ZNF738: variants seen among roughly 807,000 people sequenced by gnomAD.
The protein encoded by ZNF738 is zinc finger protein 738.
Under a neutral mutation model 9.2 loss-of-function variants are expected in ZNF738, and 10 were observed. The ratio of observed to expected loss-of-function variants is 1.09; its 90% CI spans 0.67 to 1.85. ZNF738 has a LOEUF of 1.85. Ranked by LOEUF, ZNF738 falls within the 40% of genes most tolerant of loss-of-function variation. The pLI is 0.00. For synonymous variants in ZNF738, 113 were observed against 94.5 expected (o/e 1.20, Z -1.14); for missense variants, 346 against 283.6 (o/e 1.22, Z -1.58).
At position 21,386,210 on chromosome 19, in the gene ZNF738, C is replaced by G; in HGVS notation, c.*2536C>G. On this transcript the variant is annotated 3_prime_UTR_variant, in exon 5 of 5. Transcript: ENST00000683779. Reference sequence around the variant, plus strand: ...GGAATGTGGCAAAGCCTTTAATGGTCCCCTCAACTTTCTGCACATAAGATA... The same window carrying G: ...GGAATGTGGCAAAGCCTTTAATGGTGCCCTCAACTTTCTGCACATAAGATA... 1 of 279,696 alleles carries G rather than the reference C, an allele frequency of 3.6e-6. No individual in the cohort carries two copies. Among genetic ancestry groups the G allele is most frequent in the South Asian group, 3.9e-5 (1 of 25,446 alleles). The allele number at this position is 279,696 out of a possible 1,614,324, so 17.3% of individuals were successfully genotyped here. A position where few individuals can be genotyped will look rare whatever the true frequency, so the allele number is the denominator to read the frequency against.
At chr19:21,373,686 T>A (rs1973886044) in intron 2 of ZNF738, among the ~76,000 whole-genome samples, 1 of 152,152 alleles carries the variant, frequency 6.6e-6, no homozygotes, top group Non-Finnish European at 1.5e-5. Context: ...TGCTGACGCC[T>A]TTTAAGGAAT....
At chr19:21,361,159 C>A (rs748756153) in intron 1 of ZNF738, among the ~76,000 whole-genome samples, 1 of 150,872 alleles carries the variant, frequency 6.6e-6, no homozygotes, top group Non-Finnish European at 1.5e-5. Context: ...TGTTTTGAGA[C>A]GGAGTTTTGC....
At chr19:21,374,528 G>A (rs1450043199) in intron 2 of ZNF738, among the ~76,000 whole-genome samples, 1 of 152,224 alleles carries the variant, frequency 6.6e-6, no homozygotes, top group Admixed American at 6.5e-5. Flanking sequence ...TCATTTCACT[G>A]TAGAGTTAAT....
chr19:21,375,769 T>G, intron 3 of ZNF738, 100 bp from the exon 4 acceptor site: 1 of 543,126 alleles, frequency 1.8e-6, no homozygotes, highest in Non-Finnish European at 3.4e-6. Context: ...GGGATGAATT[T>G]TCTAGAATAT....
At chr19:21,365,451 C>G (rs545728470) in intron 2 of ZNF738, among the ~76,000 whole-genome samples, 1 of 152,056 alleles carries the variant, frequency 6.6e-6, no homozygotes, top group Non-Finnish European at 1.5e-5. Flanking sequence ...AAAAAAACCC[C>G]TTAATCATAA....
intron 2 of ZNF738, 27 bp from the exon 3 acceptor site, chr19:21,375,211 A>ATG (rs762215577): frequency 4.9e-6 from 4 of 816,420 alleles, no homozygotes; most frequent in South Asian, 2.0e-5. Context: ...ACACTTGTAA[A>ATG]TATGTGTGTG....
chr19:21,369,259 C>A (rs1215258751), intron 2 of ZNF738, among the ~76,000 whole-genome samples: 1 of 152,020 alleles, frequency 6.6e-6, no homozygotes, highest in Admixed American at 6.6e-5. Context: ...TAGGCTCACA[C>A]CATCACGCCT....
chr19:21,380,164 T>A (rs546741988), intron 4 of ZNF738, among the ~76,000 whole-genome samples: 1 of 152,290 alleles, frequency 6.6e-6, no homozygotes, highest in Admixed American at 6.5e-5. Context: ...AAAACATAAT[T>A]CTGGGTTGTT....
Position 21,383,879 on chromosome 19 carries a change from A to G in ZNF738, c.*205A>G, listed in dbSNP as rs1974036244. ...TCTTCAGATTCTCATACCTTACTAC[A>G]CATAAGATAATTCATACTGGAGAGA... On this transcript the variant is annotated 3_prime_UTR_variant, in exon 5 of 5. Coordinates refer to ENST00000683779, the MANE Select transcript of ZNF738 (RefSeq NM_001355237.2). 2.1e-6 allele frequency: 3 copies of G among 1,412,304 alleles called. No individual in the cohort carries two copies. The highest frequency in any genetic ancestry group is 4.6e-5 in the East Asian group (2 of 43,556). The allele number at this position is 1,412,304 out of a possible 1,614,324, so 87.5% of individuals were successfully genotyped here. A position where few individuals can be genotyped will look rare whatever the true frequency, so the allele number is the denominator to read the frequency against.
At chr19:21,362,094 A>G (rs12982590) in intron 2 of ZNF738, among the ~76,000 whole-genome samples, 84,747 of 140,626 alleles carry the variant, frequency 0.6, 24,385 homozygotes, top group Middle Eastern at 0.73. Flanking sequence ...TAATAATAAT[A>G]ATGATAATAA....
chr19:21,361,893 C>T (rs570809583), intron 2 of ZNF738, 35 bp downstream of exon 2: 15 of 754,736 alleles, frequency 2.0e-5, no homozygotes, highest in South Asian at 1.7e-4. Flanking sequence ...GTCTTTGGGA[C>T]CAGCTTGAAA....
intron 4 of ZNF738, among the ~76,000 whole-genome samples, chr19:21,380,532 C>G (rs1386466171): frequency 2.0e-5 from 3 of 152,098 alleles, no homozygotes; most frequent in Non-Finnish European, 4.4e-5. Flanking sequence ...AGAGACCCCT[C>G]AACTAAAAGA....
At chr19:21,363,153 G>A (rs977508253) in intron 2 of ZNF738, among the ~76,000 whole-genome samples, 1 of 152,152 alleles carries the variant, frequency 6.6e-6, no homozygotes, top group African/African-American at 2.4e-5. Context: ...TTTTCTGATA[G>A]AAATACTTTT....
rs1394074543 is a variant in ZNF738, at chr19:21,383,719, G to C, written c.*45G>C. ...TATTCGCAACCCTTACTAGACATAA[G>C]ATAATTCATACTGAAGAGAAACCCT... is the stretch of plus-strand genomic sequence containing the variant. On this transcript the variant is annotated 3_prime_UTR_variant, in exon 5 of 5. Transcript: ENST00000683779. 1 of 1,050,842 alleles carries C rather than the reference G, an allele frequency of 9.5e-7. No homozygotes were observed. Among genetic ancestry groups the C allele is most frequent in the Non-Finnish European group, 1.5e-6 (1 of 679,896 alleles). The allele number at this position is 1,050,842 out of a possible 1,614,324, so 65.1% of individuals were successfully genotyped here. A position where few individuals can be genotyped will look rare whatever the true frequency, so the allele number is the denominator to read the frequency against.
chr19:21,380,662 T>G (rs1316218735), intron 4 of ZNF738, among the ~76,000 whole-genome samples: 1 of 152,220 alleles, frequency 6.6e-6, no homozygotes, highest in Non-Finnish European at 1.5e-5. Context: ...AGAACTAATC[T>G]GTACTATAGT....
In ZNF738 at chr19:21,375,896, T is replaced by C. The variant is rs1180505574; in HGVS notation, c.251T>C (p.Ile84Thr). The C allele has an allele frequency of 3.8e-6, 3 of 796,440 alleles. No homozygotes were observed. The African/African-American group carries it at 5.1e-5, about 13-fold the overall frequency. The allele number at this position is 796,440 out of a possible 1,614,324, so 49.3% of individuals were successfully genotyped here. Residue 84 changes from isoleucine (I) to threonine (T), a missense_variant, in exon 4 of 5, where the codon ATC becomes ACC. Coordinates refer to ENST00000683779, the MANE Select transcript of ZNF738 (RefSeq NM_001355237.2). ...LGIDVSKPDLITCLEQGKDPW... is the reference protein window; with the variant it reads ...LGIDVSKPDLTTCLEQGKDPW... ...ATTGATGTCTCTAAGCCAGATCTGATCACCTGTCTGGAGCAAGGAAAAGAT... is the reference window on the plus strand; with the variant it reads ...ATTGATGTCTCTAAGCCAGATCTGACCACCTGTCTGGAGCAAGGAAAAGAT...
chr19:21,360,517 G>C (rs771039577), intron 1 of ZNF738: 3 of 152,822 alleles, frequency 2.0e-5, no homozygotes, highest in Non-Finnish European at 4.4e-5. Context: ...GCAATGGCGC[G>C]ATCTCGGCTC....
intron 4 of ZNF738, among the ~76,000 whole-genome samples, chr19:21,379,797 T>C (rs1324270698): frequency 6.6e-6 from 1 of 152,210 alleles, no homozygotes; most frequent in Non-Finnish European, 1.5e-5. Context: ...AATTATATTA[T>C]TGATACAAAC....
chr19:21,382,675 T>TA (rs1974019912), intron 4 of ZNF738, among the ~76,000 whole-genome samples, 191 bp from the exon 5 acceptor site: 1 of 152,256 alleles, frequency 6.6e-6, no homozygotes, highest in Non-Finnish European at 1.5e-5. Flanking sequence ...AGTTCATTTA[T>TA]AATTTTTTCT....
Sources: gnomAD v4.1 joint callset for allele counts (sites outside exome capture counted in the v4.1 genomes callset) on GRCh38, gnomAD v4.1.1 for gene constraint, MANE v1.5 for transcripts, NCBI Gene and HGNC (gene_info 2026-07-23, HGNC 2026-07-21) for gene names.